CDH8: variants seen among roughly 807,000 people sequenced by gnomAD.
CDH8 encodes cadherin-8.
Under a neutral mutation model 68.1 loss-of-function variants are expected in CDH8, and 17 were observed. The ratio of observed to expected loss-of-function variants is 0.25; its 90% CI spans 0.17 to 0.37. The LOEUF is 0.37. Among genes scored for constraint, CDH8 ranks in the 10% least tolerant of loss-of-function variants. The pLI, the probability that CDH8 is intolerant of heterozygous loss-of-function variation, is 1.00. For synonymous variants in CDH8, 372 were observed against 365.1 expected (o/e 1.02, Z -0.21); for missense variants, 763 against 999.3 (o/e 0.76, Z 3.19).
At chr16:61,720,132 A>T (rs1307764674) in intron 9 of CDH8, among the ~76,000 whole-genome samples, 1 of 150,896 alleles carries the variant, frequency 6.6e-6, no homozygotes, top group Non-Finnish European at 1.5e-5. Flanking sequence ...AGATTGGAAG[A>T]CTTTCTCAGC....
intron 2 of CDH8, among the ~76,000 whole-genome samples, chr16:61,909,834 CT>C (rs1964128930): frequency 6.6e-6 from 1 of 152,160 alleles, no homozygotes; most frequent in Non-Finnish European, 1.5e-5. Flanking sequence ...AAAAACTCAG[CT>C]AATAGAAGTG....
rs188630422 is a variant in CDH8, at chr16:61,967,133, C to T, written c.252+54019G>A. Among the ~76,000 whole-genome samples, 11 of 152,110 alleles carry T rather than the reference C, an allele frequency of 7.2e-5. No individual in the cohort carries two copies. The East Asian group carries it at 1.7e-3, about 24-fold the overall frequency. ...GGAAGATCCCTTGAGCCCAGGAGTC[C>T]GAGGCTGCAGTAAGATATGGCTGTG... is the stretch of plus-strand genomic sequence containing the variant. On this transcript the variant is annotated intron_variant, in intron 2 of 11. Coordinates refer to ENST00000577390, the MANE Select transcript of CDH8 (RefSeq NM_001796.5).
chr16:61,915,661 A>T (rs1964227679), intron 2 of CDH8, among the ~76,000 whole-genome samples: 1 of 152,206 alleles, frequency 6.6e-6, no homozygotes, highest in Admixed American at 6.5e-5. Flanking sequence ...TTTGCTCAAT[A>T]GTCTTGCGAA....
intron 2 of CDH8, among the ~76,000 whole-genome samples, chr16:61,974,429 C>T (rs1375025215): frequency 6.6e-6 from 1 of 152,084 alleles, no homozygotes; most frequent in Non-Finnish European, 1.5e-5. Flanking sequence ...AGCTGGCTCA[C>T]ATAAATGAGG....
At chr16:61,919,363 C>T (rs960029442) in intron 2 of CDH8, among the ~76,000 whole-genome samples, 2 of 148,030 alleles carry the variant, frequency 1.4e-5, no homozygotes, top group Admixed American at 1.4e-4. Context: ...GATCAAATTA[C>T]TCCAAGCTAC....
rs1161696522 is a variant in CDH8, at chr16:61,654,071, C to A, written c.1937G>T (p.Arg646Leu). The A allele has an allele frequency of 8.1e-6, 13 of 1,613,616 alleles. No individual in the cohort carries two copies. Among genetic ancestry groups the A allele is most frequent in the Non-Finnish European group, 1.1e-5 (13 of 1,179,942 alleles). Residue 646 changes from arginine (R) to leucine (L), a missense_variant, in exon 12 of 12, where the codon CGG (arginine) becomes CTG (leucine). Transcript: ENST00000577390. ...GATAATTAATGGTTCATTTTTATGC[C>A]GCCGTAGAGTTACAAACAGCACCAC... ...VIVVLFVTLR[R>L]HKNEPLIIKD... is the part of the protein sequence containing the mutation.
intron 2 of CDH8, among the ~76,000 whole-genome samples, chr16:61,919,289 C>G (rs1597065632): frequency 6.7e-6 from 1 of 148,490 alleles, no homozygotes; most frequent in Admixed American, 6.9e-5. Context: ...CAGTTCCTCA[C>G]CAGCAACGGA....
Position 61,695,443 on chromosome 16 carries a change from T to G in CDH8, c.1654+18398A>C, listed in dbSNP as rs535126738. 5.3e-5 allele frequency among the ~76,000 whole-genome samples: 8 copies of G among 152,278 alleles called. No homozygotes were observed. In the South Asian group the frequency reaches 1.7e-3, roughly 32 times the overall value. ...TTACTTGGGCCACCTTTCAACTAGTTCATGACCTTATTTGGGTCAATTCGT... is the reference window on the plus strand; with the variant it reads ...TTACTTGGGCCACCTTTCAACTAGTGCATGACCTTATTTGGGTCAATTCGT... On this transcript the variant is annotated intron_variant, in intron 10 of 11. Transcript: ENST00000577390.
intron 2 of CDH8, among the ~76,000 whole-genome samples, chr16:61,931,657 G>A (rs1270658979): frequency 6.6e-6 from 1 of 152,100 alleles, no homozygotes; most frequent in East Asian, 1.9e-4. Context: ...GGGCCCCTCA[G>A]AAAGATTGTG....
At chr16:61,727,389 T>TA (rs140846478) in intron 8 of CDH8, among the ~76,000 whole-genome samples, 174 bp from the exon 9 acceptor site, 6,522 of 150,906 alleles carry the variant, frequency 0.043, 212 homozygotes, top group Admixed American at 0.093. Context: ...TTGACTGCTT[T>TA]AAAAAAAAGC....
chr16:61,875,811 A>G (rs957050197), intron 3 of CDH8, among the ~76,000 whole-genome samples: 1 of 152,114 alleles, frequency 6.6e-6, no homozygotes, highest in African/African-American at 2.4e-5. Flanking sequence ...GCTTTCCATC[A>G]TTATGGTATC....
At chr16:61,959,999 T>TATAC in intron 2 of CDH8, among the ~76,000 whole-genome samples, 1 of 81,096 alleles carries the variant, frequency 1.2e-5, no homozygotes, top group African/African-American at 7.9e-5. Context: ...TATATATATA[T>TATAC]ATATATATAT....
At chr16:62,008,826 T>A (rs1280770838) in intron 2 of CDH8, among the ~76,000 whole-genome samples, 6 of 152,118 alleles carry the variant, frequency 3.9e-5, no homozygotes, top group Non-Finnish European at 1.5e-5. Flanking sequence ...CATCTAATGA[T>A]TTCTGAAAAC....
At chr16:61,886,105 C>T (rs1963667734) in intron 3 of CDH8, among the ~76,000 whole-genome samples, 1 of 152,134 alleles carries the variant, frequency 6.6e-6, no homozygotes, top group African/African-American at 2.4e-5. Context: ...TTTAACGTTT[C>T]AGCTCATTGC....
chr16:61,768,343 T>TCTCTCTCTCTCTCTCTCTCTCTCC (rs1960659387), intron 8 of CDH8, among the ~76,000 whole-genome samples: 1 of 107,008 alleles, frequency 9.3e-6, no homozygotes, highest in African/African-American at 4.0e-5. Context: ...TCTCTCTCTC[T>TCTCTCTCTCTCTCTCTCTCTCTCC]CTCTCTCTCT....
At chr16:61,753,618 A>G (rs1960229650) in intron 8 of CDH8, among the ~76,000 whole-genome samples, 2 of 152,190 alleles carry the variant, frequency 1.3e-5, no homozygotes, top group Admixed American at 1.3e-4. Context: ...ATTCATAAAG[A>G]GGCCCTTAGA....
At chr16:61,891,153 C>T (rs1963769750) in intron 3 of CDH8, among the ~76,000 whole-genome samples, 1 of 151,958 alleles carries the variant, frequency 6.6e-6, no homozygotes, top group African/African-American at 2.4e-5. Context: ...GTGGAATTAT[C>T]AACCTAAGAT....
chr16:61,740,155 C>T (rs971259921), intron 8 of CDH8, among the ~76,000 whole-genome samples: 2 of 151,798 alleles, frequency 1.3e-5, no homozygotes, highest in Non-Finnish European at 2.9e-5. Context: ...GTCTGCCCGC[C>T]TTGGCCTCCC....
intron 3 of CDH8, among the ~76,000 whole-genome samples, chr16:61,893,654 TG>T (rs1271390983): frequency 1.3e-5 from 2 of 152,034 alleles, no homozygotes; most frequent in East Asian, 3.9e-4. Flanking sequence ...AACAGCGCGT[TG>T]GGCCAAAAGG....
Sources: gnomAD v4.1 joint callset for allele counts (sites outside exome capture counted in the v4.1 genomes callset) on GRCh38, gnomAD v4.1.1 for gene constraint, MANE v1.5 for transcripts, NCBI Gene and HGNC (gene_info 2026-07-23, HGNC 2026-07-21) for gene names.